The following MIR2052HG variants were observed in gnomAD, a reference collection of about 807,000 sequenced individuals.
MIR2052HG encodes the protein MIR2052 host gene.
At chr8:74,744,160 T>G (rs2128755997) in intron 4 of MIR2052HG, among the ~76,000 whole-genome samples, 1 of 152,266 alleles carries the variant, frequency 6.6e-6, no homozygotes, top group East Asian at 1.9e-4. Flanking sequence ...GAAGTCAGAT[T>G]TGTTTGGGTA....
intron 2 of MIR2052HG, among the ~76,000 whole-genome samples, chr8:74,699,706 G>A (rs2018135): frequency 0.23 from 35,590 of 151,832 alleles, 5,334 homozygotes; most frequent in East Asian, 0.65. Context: ...CGGGTCACGG[G>A]TGCATGATAA....
chr8:74,669,591 T>C (rs912848485), intron 2 of MIR2052HG, among the ~76,000 whole-genome samples: 19 of 152,202 alleles, frequency 1.2e-4, no homozygotes, highest in African/African-American at 3.9e-4. Flanking sequence ...ATGATGAACC[T>C]CTACTTACGT....
chr8:74,642,394 AACAAATT>A (rs1183632840), intron 2 of MIR2052HG, among the ~76,000 whole-genome samples: 19 of 152,118 alleles, frequency 1.2e-4, no homozygotes, highest in African/African-American at 3.9e-4. Flanking sequence ...CATTTCATGG[AACAAATT>A]ATTTGTTGAG....
chr8:74,647,974 G>T (rs1195261538), intron 2 of MIR2052HG, among the ~76,000 whole-genome samples: 2 of 152,044 alleles, frequency 1.3e-5, no homozygotes, highest in Non-Finnish European at 2.9e-5. Context: ...TGTACAAATT[G>T]ATTGTAAAAT....
intron 5 of MIR2052HG, among the ~76,000 whole-genome samples, chr8:74,756,239 T>G (rs752601890): frequency 3.9e-5 from 6 of 152,224 alleles, no homozygotes; most frequent in Non-Finnish European, 8.8e-5. Flanking sequence ...GCAAATTTTC[T>G]GTCTCCAGCC....
chr8:74,683,425 G>A (rs1199969057), intron 2 of MIR2052HG, among the ~76,000 whole-genome samples: 4 of 152,094 alleles, frequency 2.6e-5, no homozygotes, highest in Non-Finnish European at 4.4e-5. Context: ...TAATACAGAT[G>A]TGAGGTTCTT....
chr8:74,734,498 A>T (rs1198973013), intron 4 of MIR2052HG, among the ~76,000 whole-genome samples: 1 of 152,224 alleles, frequency 6.6e-6, no homozygotes, highest in Non-Finnish European at 1.5e-5. Flanking sequence ...GAATCTTCTG[A>T]TATCCAAGAT....
chr8:74,704,846 G>C (rs1326966893), intron 4 of MIR2052HG, among the ~76,000 whole-genome samples: 1 of 152,064 alleles, frequency 6.6e-6, no homozygotes, highest in African/African-American at 2.4e-5. Context: ...AACATATCAA[G>C]TTTAACATTG....
intron 4 of MIR2052HG, among the ~76,000 whole-genome samples, chr8:74,707,785 T>C (rs947082236): frequency 4.6e-5 from 7 of 152,122 alleles, no homozygotes; most frequent in Non-Finnish European, 8.8e-5. Context: ...AATGGACAAT[T>C]TTTGTGAGAA....
At chr8:74,605,757 A>G (rs1808101308) in intron 1 of MIR2052HG, among the ~76,000 whole-genome samples, 1 of 151,900 alleles carries the variant, frequency 6.6e-6, no homozygotes, top group Non-Finnish European at 1.5e-5. Context: ...CACAAACTAG[A>G]AATAAAAAAC....
chr8:74,629,279 A>C (rs1173614268), intron 2 of MIR2052HG, among the ~76,000 whole-genome samples: 1 of 152,116 alleles, frequency 6.6e-6, no homozygotes, highest in Non-Finnish European at 1.5e-5. Context: ...TCATTCCTTT[A>C]TTCCCTGACT....
chr8:74,730,189 G>A lies in MIR2052HG; in HGVS notation n.372-22252G>A, dbSNP rs1276052017. On this transcript the variant is annotated intron_variant and non_coding_transcript_variant, in intron 4 of 6. Transcript: ENST00000523442. ...AGGTTGTAGTCCCAAACAAAATAAA[G>A]CAAGGCTACAATTTATTCCTAAACC... 3.9e-5 allele frequency among the ~76,000 whole-genome samples: 6 copies of A among 152,056 alleles called. No homozygotes were observed. In the South Asian group the frequency reaches 8.3e-4, roughly 21 times the overall value.
chr8:74,655,607 G>C (rs1808798406), intron 2 of MIR2052HG, among the ~76,000 whole-genome samples: 1 of 152,218 alleles, frequency 6.6e-6, no homozygotes, highest in African/African-American at 2.4e-5. Context: ...TCTCCACCTA[G>C]ATTTCAGAAG....
chr8:74,730,116 T>C (rs1458635523), intron 4 of MIR2052HG, among the ~76,000 whole-genome samples: 1 of 152,184 alleles, frequency 6.6e-6, no homozygotes, highest in Non-Finnish European at 1.5e-5. Flanking sequence ...CTAGATCTCC[T>C]TTCAGTATTA....
intron 2 of MIR2052HG, among the ~76,000 whole-genome samples, chr8:74,688,037 C>T (rs1168566226): frequency 6.6e-6 from 1 of 152,144 alleles, no homozygotes; most frequent in African/African-American, 2.4e-5. Context: ...AATGAGGGCT[C>T]TTCAAAAAGG....
chr8:74,717,427 T>A (rs1366945309), intron 4 of MIR2052HG, among the ~76,000 whole-genome samples: 1 of 152,202 alleles, frequency 6.6e-6, no homozygotes, highest in South Asian at 2.1e-4. Context: ...TTGGGTTGGT[T>A]CCATGTCTTT....
At chr8:74,739,935 C>T (rs1045831070) in intron 4 of MIR2052HG, among the ~76,000 whole-genome samples, 4 of 152,198 alleles carry the variant, frequency 2.6e-5, no homozygotes, top group Middle Eastern at 3.4e-3. Context: ...TACACTATTT[C>T]TAATGTTTAT....
chr8:74,630,297 C>T (rs1310472962), intron 2 of MIR2052HG, among the ~76,000 whole-genome samples: 1 of 152,050 alleles, frequency 6.6e-6, no homozygotes, highest in Admixed American at 6.5e-5. Context: ...AATGAAGTTT[C>T]CCTCTTCTCT....
At chr8:74,719,076 CTTTT>C (rs56242876) in intron 4 of MIR2052HG, among the ~76,000 whole-genome samples, 1 of 144,438 alleles carries the variant, frequency 6.9e-6, no homozygotes, top group Non-Finnish European at 1.5e-5. Flanking sequence ...CCGTGTACAT[CTTTT>C]TTTTTTTTTT....
Sources: allele counts gnomAD v4.1 joint callset (sites outside exome capture counted in the v4.1 genomes callset), GRCh38; gene constraint gnomAD v4.1.1; transcripts MANE v1.5; gene names NCBI Gene and HGNC (gene_info 2026-07-23, HGNC 2026-07-21).